The following NR2F2 variants were observed in gnomAD, a reference collection of about 807,000 sequenced individuals.
NR2F2 encodes COUP transcription factor 2.
NR2F2 carries 2 observed loss-of-function variants against 34.8 expected under a neutral mutation model. The ratio of observed to expected loss-of-function variants is 0.06; its 90% CI spans 0.02 to 0.18. The LOEUF (loss-of-function observed/expected upper bound fraction) is 0.18, where lower values mean the gene tolerates loss of function less well. Ranked by LOEUF, NR2F2 falls within the 10% of genes least tolerant of loss-of-function variation. The pLI, the probability that NR2F2 is intolerant of heterozygous loss-of-function variation, is 1.00. For synonymous variants in NR2F2, 274 were observed against 251.8 expected, an observed-to-expected ratio of 1.09 and a Z score of -0.84; for missense variants, 300 against 580.1, an observed-to-expected ratio of 0.52 and a Z score of 4.96.
rs79544641 is a variant in NR2F2 at position 96,331,649 on chromosome 15, A to G, written c.-457A>G. ...AGCTCTAAGAGCGAGAGTGAACGAG[A>G]GAGGGAGGGAGAGAGTGAGAGCGAG... On this transcript the variant is annotated 5_prime_UTR_variant, in exon 1 of 3. Transcript: ENST00000394166. The G allele has an allele frequency of 8.7e-7, 1 of 1,148,684 alleles. No homozygotes were observed. 71.2% of individuals were successfully genotyped at this position (1,148,684 alleles called of 1,614,324 possible).
intron 2 of NR2F2, among the ~76,000 whole-genome samples, chr15:96,336,569 A>G (rs1027102432): frequency 3.3e-5 from 5 of 152,010 alleles, no homozygotes; most frequent in African/African-American, 1.2e-4. Flanking sequence ...CTCATTTCAA[A>G]GGCACTTACT....
At chr15:96,327,520 C>A (rs1313926406), upstream of NR2F2, among the ~76,000 whole-genome samples, 1 of 152,150 alleles carries the variant, frequency 6.6e-6, no homozygotes, top group African/African-American at 2.4e-5. Flanking sequence ...ACTCTGACAG[C>A]CCCTGGTGAT....
chr15:96,330,884 C>A lies in NR2F2; in HGVS notation c.-1222C>A. 8.7e-7 allele frequency: 1 copy of A among 1,155,092 alleles called. No individual in the cohort carries two copies. Among genetic ancestry groups the A allele is most frequent in the Non-Finnish European group, 1.1e-6 (1 of 937,964 alleles). 71.6% of individuals were successfully genotyped at this position (1,155,092 alleles called of 1,614,324 possible). A position where few individuals can be genotyped will look rare whatever the true frequency, so the allele number is the denominator to read the frequency against. On this transcript the variant is annotated 5_prime_UTR_variant, in exon 1 of 3. Coordinates refer to ENST00000394166, the MANE Select transcript of NR2F2 (RefSeq NM_021005.4). ...CGAGTTGCCTCCTTTCTCCGGGTGC[C>A]GTACTGCCTTTTTTCCCCTCTTTCA...
At position 96,332,087 on chromosome 15, in the gene NR2F2, G is replaced by T. The variant is rs1333477672; in HGVS notation, c.-19G>T. 2.3e-6 allele frequency: 3 copies of T among 1,295,494 alleles called. No homozygotes were observed. Among genetic ancestry groups the T allele is most frequent in the African/African-American group, 1.6e-5 (1 of 64,278 alleles). The allele number at this position is 1,295,494 out of a possible 1,614,324, so 80.2% of individuals were successfully genotyped here. Reference sequence around the variant, plus strand: ...CCGCAGCCAGGGGAGCAGGAAGTCCGGACGCAGCCCCCATAGATATGGCAA... The same window carrying T: ...CCGCAGCCAGGGGAGCAGGAAGTCCTGACGCAGCCCCCATAGATATGGCAA... On this transcript the variant is annotated 5_prime_UTR_variant, in exon 1 of 3. Coordinates refer to ENST00000394166, the MANE Select transcript of NR2F2 (RefSeq NM_021005.4).
intron 2 of NR2F2, among the ~76,000 whole-genome samples, chr15:96,335,470 C>G (rs1331760460): frequency 6.6e-6 from 1 of 152,214 alleles, no homozygotes; most frequent in East Asian, 1.9e-4. Flanking sequence ...CATTTTGGGC[C>G]ACACCTGAGC....
At position 96,331,300 on chromosome 15, in the gene NR2F2, C is replaced by T; in HGVS notation, c.-806C>T. On this transcript the variant is annotated 5_prime_UTR_variant, in exon 1 of 3. Transcript: ENST00000394166. ...CGGGGCAGGCGGCGGCGGCGGCGGCCCAGCGCCAGGACGACGCCGCGCAGC... is the reference window on the plus strand; with the variant it reads ...CGGGGCAGGCGGCGGCGGCGGCGGCTCAGCGCCAGGACGACGCCGCGCAGC... 7 of 1,110,334 alleles carry T rather than the reference C, an allele frequency of 6.3e-6. No homozygotes were observed. The highest frequency in any genetic ancestry group is 7.7e-6 in the Non-Finnish European group (7 of 911,206). The allele number at this position is 1,110,334 out of a possible 1,614,324, so 68.8% of individuals were successfully genotyped here.
In NR2F2 at chr15:96,331,170, CGGCGGCAGCGGCGGCCCG is replaced by C; in HGVS notation, c.-929_-912del. ...GACCCGGCGGCTTCGGCGGCGGCTC[CGGCGGCAGCGGCGGCCCG>C]GGCGGCCCGCAGGGAACGGCGAGCG... On this transcript the variant is annotated 5_prime_UTR_variant, in exon 1 of 3. Coordinates refer to ENST00000394166, the MANE Select transcript of NR2F2 (RefSeq NM_021005.4). 1.0e-6 allele frequency: 1 copy of C among 972,614 alleles called. No individual in the cohort carries two copies. The highest frequency in any genetic ancestry group is 1.2e-6 in the Non-Finnish European group (1 of 818,566). The allele number at this position is 972,614 out of a possible 1,614,324, so 60.2% of individuals were successfully genotyped here.
Position 96,337,625 on chromosome 15 carries a change from A to C in NR2F2, c.*3A>C, listed in dbSNP as rs1899373052. The C allele has an allele frequency of 6.8e-6, 11 of 1,609,484 alleles. No homozygotes were observed. Among genetic ancestry groups the C allele is most frequent in the Non-Finnish European group, 9.3e-6 (11 of 1,177,106 alleles). ...GGCCGTATATGGCAATTCAATAAATAAATAAAATAAGAAGGGGGAGTGAAA... is the reference window on the plus strand; with the variant it reads ...GGCCGTATATGGCAATTCAATAAATCAATAAAATAAGAAGGGGGAGTGAAA... On this transcript the variant is annotated 3_prime_UTR_variant, in exon 3 of 3. Coordinates refer to ENST00000394166, the MANE Select transcript of NR2F2 (RefSeq NM_021005.4).
chr15:96,335,694 G>C (rs1004615169), intron 2 of NR2F2, among the ~76,000 whole-genome samples: 1 of 152,236 alleles, frequency 6.6e-6, no homozygotes, highest in Admixed American at 6.5e-5. Flanking sequence ...AACAGGAAAC[G>C]AGGAGAGATG....
chr15:96,334,320 C>T lies in NR2F2; in HGVS notation c.687C>T (p.Asn229=), dbSNP rs148228212. 21 of 1,614,114 alleles carry T rather than the reference C, an allele frequency of 1.3e-5. No individual in the cohort carries two copies. In the African/African-American group the frequency reaches 2.7e-4, roughly 21 times the overall value. Residue 229 remains asparagine (N), a synonymous_variant, in exon 2 of 3, where the codon AAC becomes AAT. Transcript: ENST00000394166. ...MLFSAVEWAR[N]IPFFPDLQIT... is the part of the protein sequence containing the mutation. ...TCAGCGCCGTCGAGTGGGCCCGGAACATCCCCTTCTTCCCCGACCTGCAGA... is the reference window on the plus strand; with the variant it reads ...TCAGCGCCGTCGAGTGGGCCCGGAATATCCCCTTCTTCCCCGACCTGCAGA...
Position 96,333,589 on chromosome 15 carries a change from G to A in NR2F2, c.443-487G>A, listed in dbSNP as rs546578420. The A allele has an allele frequency of 4.0e-6, 4 of 1,010,386 alleles. No individual in the cohort carries two copies. The East Asian group carries it at 3.8e-4, about 97-fold the overall frequency. 62.6% of individuals were successfully genotyped at this position (1,010,386 alleles called of 1,614,324 possible). On this transcript the variant is annotated intron_variant, in intron 1 of 2. Transcript: ENST00000394166. ...GGGGGTTCCCCGCCGGGCTGGGGCT[G>A]GGGCTTCGGGGTTTGTGGGAGAGTC...
At position 96,332,096 on chromosome 15, in the gene NR2F2, C is replaced by A; in HGVS notation, c.-10C>A. 7.6e-7 allele frequency: 1 copy of A among 1,311,400 alleles called. No individual in the cohort carries two copies. Among genetic ancestry groups the A allele is most frequent in the Non-Finnish European group, 9.7e-7 (1 of 1,029,590 alleles). The allele number at this position is 1,311,400 out of a possible 1,614,324, so 81.2% of individuals were successfully genotyped here. On this transcript the variant is annotated 5_prime_UTR_variant, in exon 1 of 3. Coordinates refer to ENST00000394166, the MANE Select transcript of NR2F2 (RefSeq NM_021005.4). Reference sequence around the variant, plus strand: ...GGGGAGCAGGAAGTCCGGACGCAGCCCCCATAGATATGGCAATGGTAGTCA... The same window carrying A: ...GGGGAGCAGGAAGTCCGGACGCAGCACCCATAGATATGGCAATGGTAGTCA...
At chr15:96,333,637 T>A in intron 1 of NR2F2, 1 of 1,049,620 alleles carries the variant, frequency 9.5e-7, no homozygotes, top group Non-Finnish European at 1.1e-6. Flanking sequence ...CCACAGGCCG[T>A]CTGGGGTGGA....
rs1899458366 is a variant in NR2F2 at position 96,340,042 on chromosome 15, T to TA, written c.*2421dup. 1.3e-5 allele frequency: 2 copies of TA among 152,230 alleles called. No homozygotes were observed. The allele number at this position is 152,230 out of a possible 1,614,324, so 9.4% of individuals were successfully genotyped here. On this transcript the variant is annotated 3_prime_UTR_variant, in exon 3 of 3. Transcript: ENST00000394166. ...ACATATATAAATACAAGTATGTTCTTACGGCACAGTATTGCTGACCTTTAG... is the reference window on the plus strand; with the variant it reads ...ACATATATAAATACAAGTATGTTCTTAACGGCACAGTATTGCTGACCTTTAG...
upstream of NR2F2, among the ~76,000 whole-genome samples, chr15:96,330,369 C>A (rs1899095475): frequency 3.3e-5 from 5 of 151,386 alleles, no homozygotes; most frequent in South Asian, 8.3e-4. Flanking sequence ...AGAGGCAGCG[C>A]TCGCAGGGCC....
upstream of NR2F2, among the ~76,000 whole-genome samples, chr15:96,329,114 G>T (rs1899062683): frequency 6.6e-6 from 1 of 151,912 alleles, no homozygotes; most frequent in African/African-American, 2.4e-5. Flanking sequence ...CTTTCCTGGA[G>T]CTCAGCGTCT....
upstream of NR2F2, chr15:96,327,092 T>G (rs1486346367): frequency 1.3e-5 from 2 of 151,896 alleles, no homozygotes; most frequent in Non-Finnish European, 2.9e-5. Context: ...CGGTTCCTCA[T>G]TTTTAAAAAG....
At position 96,332,086 on chromosome 15, in the gene NR2F2, C is replaced by G; in HGVS notation, c.-20C>G. ...CCCGCAGCCAGGGGAGCAGGAAGTC[C>G]GGACGCAGCCCCCATAGATATGGCA... On this transcript the variant is annotated 5_prime_UTR_variant, in exon 1 of 3. Transcript: ENST00000394166. The G allele has an allele frequency of 7.7e-7, 1 of 1,295,192 alleles. No individual in the cohort carries two copies. Among genetic ancestry groups the G allele is most frequent in the Non-Finnish European group, 9.8e-7 (1 of 1,020,622 alleles). 80.2% of individuals were successfully genotyped at this position (1,295,192 alleles called of 1,614,324 possible).
upstream of NR2F2, chr15:96,326,430 G>A (rs959226569): frequency 1.6e-6 from 2 of 1,251,522 alleles, no homozygotes; most frequent in Non-Finnish European, 2.3e-6. This position sits in a 1 kb window ranked among gnomAD's most constrained non-coding sequence, Gnocchi z 5.5. Flanking sequence ...GGTTGGGGAT[G>A]ACTTGGGGCT....
Sources: allele counts gnomAD v4.1 joint callset (sites outside exome capture counted in the v4.1 genomes callset), GRCh38; gene constraint gnomAD v4.1.1; non-coding constraint Gnocchi (gnomAD v3.1); transcripts MANE v1.5; gene names NCBI Gene and HGNC (gene_info 2026-07-23, HGNC 2026-07-21).